WWOX: variants seen among roughly 807,000 people sequenced by gnomAD.
The protein encoded by WWOX is WW domain-containing oxidoreductase.
In WWOX, 69 loss-of-function variants were observed where a neutral mutation model predicts 46.2. The observed-to-expected ratio is 1.49, with a 90% confidence interval of 1.23 to 1.82. The LOEUF is 1.82. Among genes scored for constraint, WWOX ranks in the 40% most tolerant of loss-of-function variants. The pLI is 0.00. For synonymous variants in WWOX, 359 were observed against 202.6 expected, an observed-to-expected ratio of 1.77 and a Z score of -6.56; for missense variants, 919 against 542.6, an observed-to-expected ratio of 1.69 and a Z score of -6.89.
Position 78,234,121 on chromosome 16 carries a change from T to A in WWOX, c.516+69832T>A, listed in dbSNP as rs9940858. On this transcript the variant is annotated intron_variant, in intron 5 of 8. Coordinates refer to ENST00000566780, the MANE Select transcript of WWOX (RefSeq NM_016373.4). ...ACACGGTGGGGAGGAGTTCATATTC[T>A]TTTTTTTTTTTGAGTCTGGATTTTA... 1.9e-3 allele frequency among the ~76,000 whole-genome samples: 41 copies of A among 21,572 alleles called. 1 individual carries two copies. Among genetic ancestry groups the A allele is most frequent in the Non-Finnish European group, 4.9e-3 (31 of 6,348 alleles). The allele number at this position is 21,572 out of a possible 152,430, so 14.2% of individuals were successfully genotyped here. A position where few individuals can be genotyped will look rare whatever the true frequency, so the allele number is the denominator to read the frequency against.
intron 8 of WWOX, among the ~76,000 whole-genome samples, chr16:78,704,348 T>C (rs1365739310): frequency 1.3e-5 from 2 of 152,120 alleles, no homozygotes; most frequent in African/African-American, 4.8e-5. Context: ...CTACCTCCCT[T>C]CCCTTCTCAT....
intron 8 of WWOX, among the ~76,000 whole-genome samples, chr16:78,533,725 A>G: frequency 6.6e-6 from 1 of 152,174 alleles, no homozygotes; most frequent in Non-Finnish European, 1.5e-5. Flanking sequence ...GTCTGAGCAG[A>G]AATGTTATTC....
intron 8 of WWOX, among the ~76,000 whole-genome samples, chr16:79,067,218 T>A (rs1429131396): frequency 6.6e-6 from 1 of 152,196 alleles, no homozygotes; most frequent in Non-Finnish European, 1.5e-5. Context: ...GTGATTCTGA[T>A]ATTCACTATC....
chr16:78,184,318 G>A (rs2035627149), intron 5 of WWOX, among the ~76,000 whole-genome samples: 1 of 152,040 alleles, frequency 6.6e-6, no homozygotes, highest in African/African-American at 2.4e-5. Context: ...GGTAGGCAAG[G>A]GACAGACTGT....
At chr16:78,751,511 A>C (rs954027610) in intron 8 of WWOX, among the ~76,000 whole-genome samples, 114 of 147,260 alleles carry the variant, frequency 7.7e-4, no homozygotes, top group African/African-American at 2.8e-3. Flanking sequence ...ATATAAATAT[A>C]CATGTAAAGA....
chr16:78,294,154 C>T (rs1478225138), intron 5 of WWOX, among the ~76,000 whole-genome samples: 1 of 152,026 alleles, frequency 6.6e-6, no homozygotes, highest in Non-Finnish European at 1.5e-5. Context: ...TTCTCCTTGT[C>T]TGGGTTGCTC....
intron 8 of WWOX, among the ~76,000 whole-genome samples, chr16:78,668,460 C>T (rs780599460): frequency 2.0e-5 from 3 of 152,192 alleles, no homozygotes; most frequent in Non-Finnish European, 4.4e-5. Flanking sequence ...TTTGTATATC[C>T]ACTCATCATT....
At chr16:78,912,690 C>T (rs16948856) in intron 8 of WWOX, among the ~76,000 whole-genome samples, 23,418 of 151,838 alleles carry the variant, frequency 0.15, 2,232 homozygotes, top group East Asian at 0.24. Context: ...AAAGGCAGTC[C>T]CTTCAGCTCT....
rs770463813 is a variant in WWOX, at chr16:79,045,780, CTTTTTTTTTTTTTTTTTTTTTT to C, written c.1057-165810_1057-165789del. Among the ~76,000 whole-genome samples, 25 of 54,226 alleles carry C rather than the reference CTTTTTTTTTTTTTTTTTTTTTT, an allele frequency of 4.6e-4. No individual in the cohort carries two copies. The East Asian group carries it at 8.3e-3, about 18-fold the overall frequency. 35.6% of individuals were successfully genotyped at this position (54,226 alleles called of 152,430 possible). On this transcript the variant is annotated intron_variant, in intron 8 of 8. Transcript: ENST00000566780. Reference sequence around the variant, plus strand: ...AGCTCGTCTTTCCTTTTTTCTTTTCCTTTTTTTTTTTTTTTTTTTTTTTTTTTTTTTTTTTTTTTGAGATGGA... The same window carrying C: ...AGCTCGTCTTTCCTTTTTTCTTTTCCTTTTTTTTTTTTTTTTTGAGATGGA...
chr16:78,919,026 C>T (rs1469942995), intron 8 of WWOX, among the ~76,000 whole-genome samples: 1 of 152,080 alleles, frequency 6.6e-6, no homozygotes, highest in Non-Finnish European at 1.5e-5. Flanking sequence ...TAGTGTGTAA[C>T]TTCGTTAAGT....
intron 5 of WWOX, among the ~76,000 whole-genome samples, chr16:78,367,530 G>T (rs949305952): frequency 9.9e-5 from 15 of 152,056 alleles, no homozygotes; most frequent in Non-Finnish European, 1.6e-4. Context: ...GACACCCTGG[G>T]AATAAAACAG....
At chr16:79,141,246 C>T (rs1341229368) in intron 8 of WWOX, among the ~76,000 whole-genome samples, 12 of 152,156 alleles carry the variant, frequency 7.9e-5, no homozygotes, top group Admixed American at 3.3e-4. Flanking sequence ...TTCAAGTCTT[C>T]CTACCTTTGC....
chr16:79,111,250 G>T (rs2049410865), intron 8 of WWOX, among the ~76,000 whole-genome samples: 2 of 152,236 alleles, frequency 1.3e-5, no homozygotes, highest in Admixed American at 6.5e-5. Flanking sequence ...CAGGCACTGA[G>T]ACCCGGGACA....
rs868575152 is a variant in WWOX at position 78,458,915 on chromosome 16, T to C, written c.1056+26163T>C. ...TGGGAGGGAAAAAAAATCTTTCATTTCCAACAATATTCATTCTCTGTGTCA... is the reference window on the plus strand; with the variant it reads ...TGGGAGGGAAAAAAAATCTTTCATTCCCAACAATATTCATTCTCTGTGTCA... On this transcript the variant is annotated intron_variant, in intron 8 of 8. Transcript: ENST00000566780. Among the ~76,000 whole-genome samples the C allele has an allele frequency of 2.6e-5, 4 of 152,270 alleles. No individual in the cohort carries two copies. In the South Asian group the frequency reaches 8.3e-4, roughly 32 times the overall value.
intron 8 of WWOX, among the ~76,000 whole-genome samples, chr16:78,768,711 C>T (rs1477622492): frequency 6.6e-6 from 1 of 151,950 alleles, no homozygotes; most frequent in East Asian, 1.9e-4. Flanking sequence ...ACTCTAATTG[C>T]CCAGCGTTTT....
At chr16:78,103,075 C>T (rs1344810887) in intron 1 of WWOX, among the ~76,000 whole-genome samples, 1 of 152,114 alleles carries the variant, frequency 6.6e-6, no homozygotes, top group African/African-American at 2.4e-5. Flanking sequence ...CTTGCTCCTG[C>T]GTGCCCCCTG....
intron 5 of WWOX, among the ~76,000 whole-genome samples, chr16:78,383,180 G>T (rs2081991807): frequency 6.6e-6 from 1 of 151,920 alleles, no homozygotes; most frequent in Non-Finnish European, 1.5e-5. Context: ...TTTAATATGA[G>T]ATTTGGGTAG....
chr16:79,198,429 C>G (rs1240466218), intron 8 of WWOX, among the ~76,000 whole-genome samples: 1 of 152,170 alleles, frequency 6.6e-6, no homozygotes, highest in East Asian at 1.9e-4. Flanking sequence ...ATGGGTATGG[C>G]TGCATCCTCT....
chr16:78,827,755 C>T (rs1012503257), intron 8 of WWOX, among the ~76,000 whole-genome samples: 1 of 152,064 alleles, frequency 6.6e-6, no homozygotes, highest in Non-Finnish European at 1.5e-5. Flanking sequence ...GCAGGAGAAT[C>T]ACTTGAATCT....
Sources: allele counts gnomAD v4.1 joint callset (sites outside exome capture counted in the v4.1 genomes callset), GRCh38; gene constraint gnomAD v4.1.1; transcripts MANE v1.5; gene names NCBI Gene and HGNC (gene_info 2026-07-23, HGNC 2026-07-21).